LRTM1: variants seen among roughly 807,000 people sequenced by gnomAD.
LRTM1 encodes leucine rich repeat transmembrane protein 1.
In LRTM1, 38 loss-of-function variants were observed where a neutral mutation model predicts 32.4. That is an observed-to-expected ratio of 1.17 (90% CI 0.91 to 1.54). LRTM1 has a LOEUF of 1.54. Ranked by LOEUF, LRTM1 falls within the 40% of genes most tolerant of loss-of-function variation. LRTM1 has a pLI of 0.00. For missense variants in LRTM1, 466 were observed against 415.4 expected, an observed-to-expected ratio of 1.12 and a Z score of -1.06; for synonymous variants, 186 against 169.9, an observed-to-expected ratio of 1.09 and a Z score of -0.74.
At chr3:54,934,792 C>T (rs747461892) in intron 1 of LRTM1, among the ~76,000 whole-genome samples, 25 of 152,084 alleles carry the variant, frequency 1.6e-4, no homozygotes, top group African/African-American at 3.6e-4. Flanking sequence ...AGTGCAGTGG[C>T]GCTATCGTAG....
At chr3:54,948,738 C>A (rs1701679168) in intron 1 of LRTM1, among the ~76,000 whole-genome samples, 1 of 152,202 alleles carries the variant, frequency 6.6e-6, no homozygotes, top group Non-Finnish European at 1.5e-5. Flanking sequence ...TGACTGTCTG[C>A]ATGGAGGTGC....
At chr3:54,922,818 C>G (rs1196700463) in intron 2 of LRTM1, among the ~76,000 whole-genome samples, 1 of 152,108 alleles carries the variant, frequency 6.6e-6, no homozygotes, top group African/African-American at 2.4e-5. Context: ...CACACTCACT[C>G]ACTCCCCCCA....
chr3:54,954,174 A>C (rs1278076272), intron 1 of LRTM1, among the ~76,000 whole-genome samples: 1 of 152,178 alleles, frequency 6.6e-6, no homozygotes, highest in Non-Finnish European at 1.5e-5. Flanking sequence ...ACCCAGTCGC[A>C]TCTGGTCTTC....
chr3:54,924,388 G>A (rs1286046346), intron 2 of LRTM1, among the ~76,000 whole-genome samples: 6 of 152,252 alleles, frequency 3.9e-5, no homozygotes, highest in African/African-American at 9.6e-5. Flanking sequence ...AATTAAACAA[G>A]TGAAAGTTAT....
intron 1 of LRTM1, among the ~76,000 whole-genome samples, chr3:54,927,672 C>T (rs568162925): frequency 1.8e-4 from 27 of 152,250 alleles, no homozygotes; most frequent in Admixed American, 9.8e-4. Flanking sequence ...TGAAATGGCC[C>T]GTGACATGCC....
In LRTM1 at chr3:54,925,042, G is replaced by C. The variant is rs1225186324; in HGVS notation, c.181C>G (p.Gln61Glu). Residue 61 changes from glutamine (Q) to glutamate (E), a missense_variant, in exon 2 of 3, where the codon CAG becomes GAG. Gln to Glu is a conservative substitution (Grantham distance 29, BLOSUM62 2). Coordinates refer to ENST00000273286, the MANE Select transcript of LRTM1 (RefSeq NM_020678.4). Reference protein sequence around the residue: ...QTRTLHLQDNQIHHLPAFAFR... With the variant: ...QTRTLHLQDNEIHHLPAFAFR... The stretch of plus-strand genomic sequence containing the variant: ...GCAAAAGCAGGAAGATGGTGTATCT[G>C]ATTATCTTGTAAATGCAGCGTTCGA... 1 of 1,614,120 alleles carries C rather than the reference G, an allele frequency of 6.2e-7. No individual in the cohort carries two copies. Among genetic ancestry groups the C allele is most frequent in the Non-Finnish European group, 8.5e-7 (1 of 1,180,014 alleles).
intron 1 of LRTM1, among the ~76,000 whole-genome samples, chr3:54,951,008 T>A (rs1701743738): frequency 6.6e-6 from 1 of 152,172 alleles, no homozygotes; most frequent in Admixed American, 6.5e-5. Flanking sequence ...AAATAATCAT[T>A]TGTAATATTC....
At chr3:54,931,325 A>G (rs1473258374), upstream of LRTM1, among the ~76,000 whole-genome samples, 4 of 152,190 alleles carry the variant, frequency 2.6e-5, 1 homozygote, top group Admixed American at 2.0e-4. Context: ...GACAATGCAC[A>G]CATGGCCTGG....
rs1700720125 is a variant in LRTM1, at chr3:54,918,336, T to TTTC, written c.*122_*123insGAA. 7 of 126,306 alleles carry TTTC rather than the reference T, an allele frequency of 5.5e-5. No individual in the cohort carries two copies. The highest frequency in any genetic ancestry group is 4.1e-4 in the Admixed American group (3 of 7,248). 7.8% of individuals were successfully genotyped at this position (126,306 alleles called of 1,614,324 possible). ...ACAGACACATCTTTTTTTTTTCTTTTTTTTTTTTTTTTTTTTTTTGTCTTT... is the reference window on the plus strand; with the variant it reads ...ACAGACACATCTTTTTTTTTTCTTTTTTCTTTTTTTTTTTTTTTTTTTGTCTTT... On this transcript the variant is annotated 3_prime_UTR_variant, in exon 3 of 3. Transcript: ENST00000273286.
chr3:54,931,753 A>G (rs1701196179), upstream of LRTM1, among the ~76,000 whole-genome samples: 1 of 152,228 alleles, frequency 6.6e-6, no homozygotes, highest in Admixed American at 6.5e-5. Context: ...AATGTTTTCT[A>G]ATATGTTAGT....
intron 1 of LRTM1, among the ~76,000 whole-genome samples, chr3:54,934,357 C>A (rs556928029): frequency 6.6e-6 from 1 of 152,262 alleles, no homozygotes; most frequent in East Asian, 1.9e-4. Flanking sequence ...ACCAAGGCTG[C>A]CATACGTTTT....
rs554250611 is a variant in LRTM1, at chr3:54,936,179, C to A, written c.-221-10964G>T. On this transcript the variant is annotated intron_variant, in intron 1 of 2. Transcript: ENST00000493075. ...GAATCATAGCAAAAAAAAAAAAAAT[C>A]TTTTGCACATAGTAATATACATTAG... 8.6e-5 allele frequency among the ~76,000 whole-genome samples: 13 copies of A among 151,148 alleles called. No individual in the cohort carries two copies. In the South Asian group the frequency reaches 2.7e-3, roughly 32 times the overall value.
intron 1 of LRTM1, among the ~76,000 whole-genome samples, chr3:54,946,324 A>G (rs1390232711): frequency 6.6e-6 from 1 of 152,122 alleles, no homozygotes; most frequent in Non-Finnish European, 1.5e-5. Context: ...ATGTCTTCAG[A>G]CCACCACAAT....
chr3:54,958,251 G>T (rs367791638), intron 1 of LRTM1, among the ~76,000 whole-genome samples: 19 of 152,216 alleles, frequency 1.2e-4, no homozygotes, highest in African/African-American at 4.6e-4. Flanking sequence ...GTATCGGATG[G>T]GTGTGGTGGC....
rs1311914182 is a variant in LRTM1 at position 54,925,226 on chromosome 3, CAG to C, written c.8-13_8-12del. On this transcript the variant is annotated splice_polypyrimidine_tract_variant and intron_variant, in intron 1 of 2. Transcript: ENST00000273286. ...ACAGGAGCAGTTCACCTACAACAAA[CAG>C]AAAGAAATTGGGATAGGAACCAGTT... 5 of 1,600,958 alleles carry C rather than the reference CAG, an allele frequency of 3.1e-6. No individual in the cohort carries two copies. Among genetic ancestry groups the C allele is most frequent in the Non-Finnish European group, 4.3e-6 (5 of 1,170,554 alleles).
At chr3:54,924,068 C>T (rs1488472578) in intron 2 of LRTM1, among the ~76,000 whole-genome samples, 2 of 152,150 alleles carry the variant, frequency 1.3e-5, no homozygotes, top group Non-Finnish European at 2.9e-5. Context: ...AGATCTCTTG[C>T]TTTGCTGTTG....
At chr3:54,928,490 G>A (rs918694372), upstream of LRTM1, among the ~76,000 whole-genome samples, 4 of 152,176 alleles carry the variant, frequency 2.6e-5, no homozygotes, top group African/African-American at 9.6e-5. Context: ...GGACAAATTG[G>A]CCTGCTGGAG....
At chr3:54,965,927 G>A (rs1039687071) in intron 1 of LRTM1, among the ~76,000 whole-genome samples, 11 of 152,284 alleles carry the variant, frequency 7.2e-5, no homozygotes, top group African/African-American at 2.6e-4. Context: ...CCTGCTGGAG[G>A]GAGATCAGAG....
intron 2 of LRTM1, 22 bp downstream of exon 2, chr3:54,924,597 G>A: frequency 6.4e-7 from 1 of 1,566,462 alleles, no homozygotes; most frequent in South Asian, 1.1e-5. Context: ...CAGATGGGGG[G>A]TTCCAAATAG....
Sources: allele counts gnomAD v4.1 joint callset (sites outside exome capture counted in the v4.1 genomes callset), GRCh38; gene constraint gnomAD v4.1.1; transcripts MANE v1.5; gene names NCBI Gene and HGNC (gene_info 2026-07-23, HGNC 2026-07-21).